The following RALGAPA1 variants were observed in gnomAD, a reference collection of about 807,000 sequenced individuals.
RALGAPA1 encodes the protein Ral GTPase activating protein catalytic subunit alpha 1.
Under a neutral mutation model 269.6 loss-of-function variants are expected in RALGAPA1, and 52 were observed. The ratio of observed to expected loss-of-function variants is 0.19; its 90% confidence interval spans 0.15 to 0.24. The LOEUF (loss-of-function observed/expected upper bound fraction) is 0.24. Ranked by LOEUF, RALGAPA1 falls within the 10% of genes least tolerant of loss-of-function variation. RALGAPA1 has a pLI of 1.00. For synonymous variants in RALGAPA1, 817 were observed against 1,008.3 expected, an observed-to-expected ratio of 0.81 and a Z score of 3.60; for missense variants, 1,917 against 3,013.9, an observed-to-expected ratio of 0.64 and a Z score of 8.52.
At chr14:35,598,518 C>A (rs1566785046) in intron 36 of RALGAPA1, among the ~76,000 whole-genome samples, 2 of 152,084 alleles carry the variant, frequency 1.3e-5, no homozygotes, top group African/African-American at 4.8e-5. Flanking sequence ...CTCCTGGGTT[C>A]AAGCAATTCT....
chr14:35,776,646 T>C (rs2075051972), intron 1 of RALGAPA1, among the ~76,000 whole-genome samples: 2 of 151,728 alleles, frequency 1.3e-5, no homozygotes, highest in African/African-American at 2.4e-5. Flanking sequence ...CAAAGCTCAA[T>C]AAAGCACAAA....
intron 39 of RALGAPA1, among the ~76,000 whole-genome samples, chr14:35,564,153 G>A (rs1044989212): frequency 6.6e-6 from 1 of 152,130 alleles, no homozygotes; most frequent in Non-Finnish European, 1.5e-5. Flanking sequence ...AGGTTACCTA[G>A]TGCTTCATGT....
chr14:35,654,443 T>C lies in RALGAPA1; in HGVS notation c.5531A>G (p.Asn1844Ser). The change falls in exon 30 of 42, where the codon AAC becomes AGC. Residue 1844 changes from asparagine to serine, a missense_variant. Physicochemically the swap from Asn to Ser is conservative, Grantham distance 46. Coordinates refer to ENST00000680220, the MANE Select transcript of RALGAPA1 (RefSeq NM_001346249.2). ...ATAATGAACCAGCATGTGAAGCATG[T>C]TACAAGCTACGTGGGCTACTGTTTT... ...TNKTVAHVACNMLHMLVHYVP... is the reference protein window; with the variant it reads ...TNKTVAHVACSMLHMLVHYVP... 1 of 1,606,888 alleles carries C rather than the reference T, an allele frequency of 6.2e-7. No homozygotes were observed. The highest frequency in any genetic ancestry group is 8.5e-7 in the Non-Finnish European group (1 of 1,178,454).
chr14:35,623,116 A>T (rs1418768483), intron 35 of RALGAPA1, among the ~76,000 whole-genome samples: 2 of 152,020 alleles, frequency 1.3e-5, no homozygotes, highest in Admixed American at 1.3e-4. Flanking sequence ...GAGAGAAATA[A>T]GGAAATGTAC....
chr14:35,798,027 C>T (rs2076704334), intron 1 of RALGAPA1, among the ~76,000 whole-genome samples: 1 of 150,116 alleles, frequency 6.7e-6, no homozygotes, highest in African/African-American at 2.5e-5. Flanking sequence ...CGGCTGCCAC[C>T]ACATCTGCAT....
At chr14:35,649,130 T>A (rs1415753698) in intron 31 of RALGAPA1, among the ~76,000 whole-genome samples, 2 of 152,208 alleles carry the variant, frequency 1.3e-5, no homozygotes, top group African/African-American at 4.8e-5. Context: ...TTGCTGGTGG[T>A]CTCCACCTGG....
In RALGAPA1 at chr14:35,748,643, C is replaced by A. The variant is rs761872111; in HGVS notation, c.1193G>T (p.Arg398Leu). 1.5e-5 allele frequency: 24 copies of A among 1,610,880 alleles called. No individual in the cohort carries two copies. Among genetic ancestry groups the A allele is most frequent in the Middle Eastern group, 1.6e-4 (1 of 6,068 alleles). ...EEHLTDIEIV[R>L]RVFSSKRSNV... ...ACTCCTTTTAGAAGAAAAAACTCTG[C>A]GAACTATTTCAATGTCTGTGAGATG... Residue 398 changes from arginine (R) to leucine (L), a missense_variant, in exon 10 of 42, where the codon CGC becomes CTC. Physicochemically the swap from Arg to Leu is moderately radical, Grantham distance 102. Coordinates refer to ENST00000680220, the MANE Select transcript of RALGAPA1 (RefSeq NM_001346249.2).
At chr14:35,723,906 G>A (rs577410012) in intron 14 of RALGAPA1, 3 of 152,098 alleles carry the variant, frequency 2.0e-5, no homozygotes, top group Non-Finnish European at 4.4e-5. Context: ...TATGTCCTCT[G>A]ATTGAAGAAA....
At position 35,655,728 on chromosome 14, in the gene RALGAPA1, C is replaced by T. The variant is rs1041678731; in HGVS notation, c.5496+79G>A. The T allele has an allele frequency of 5.8e-5, 89 of 1,522,022 alleles. No individual in the cohort carries two copies. In the Middle Eastern group the frequency reaches 1.2e-3, roughly 21 times the overall value. The allele number at this position is 1,522,022 out of a possible 1,614,324, so 94.3% of individuals were successfully genotyped here. On this transcript the variant is annotated intron_variant, in intron 29 of 41. Coordinates refer to ENST00000680220, the MANE Select transcript of RALGAPA1 (RefSeq NM_001346249.2). Reference sequence around the variant, plus strand: ...ATGAAAACATTTACTAAATGTTACACAAGATACCATTAATATTTGGAGAAA... The same window carrying T: ...ATGAAAACATTTACTAAATGTTACATAAGATACCATTAATATTTGGAGAAA...
At position 35,688,597 on chromosome 14, in the gene RALGAPA1, C is replaced by T. The variant is rs1190377777; in HGVS notation, c.3814G>A (p.Val1272Ile). The T allele has an allele frequency of 4.8e-5, 73 of 1,535,604 alleles. No individual in the cohort carries two copies. The highest frequency in any genetic ancestry group is 2.7e-4 in the South Asian group (23 of 84,040). ...AGLQQGSLGG[V>I]YKTVVHALSK... ...AGAGCATGTACAACAGTTTTATAAA[C>T]GCCACCCAGGGAGCCCTGCTGTAGT... is the stretch of plus-strand genomic sequence containing the variant. Residue 1272 changes from valine (V) to isoleucine (I), a missense_variant, in exon 18 of 42, where the codon GTT becomes ATT. Around this residue, in one of 11 missense-constraint regions of RALGAPA1, gnomAD observed 615 missense variants for 790.0 expected, o/e 0.78. Coordinates refer to ENST00000680220, the MANE Select transcript of RALGAPA1 (RefSeq NM_001346249.2).
chr14:35,635,892 C>T (rs1377749683), intron 31 of RALGAPA1, among the ~76,000 whole-genome samples: 3 of 152,106 alleles, frequency 2.0e-5, no homozygotes, highest in Non-Finnish European at 4.4e-5. Context: ...TATCAATTAA[C>T]TATACTTATT....
intron 5 of RALGAPA1, among the ~76,000 whole-genome samples, chr14:35,761,293 C>G (rs1188187415): frequency 6.6e-6 from 1 of 151,978 alleles, no homozygotes; most frequent in East Asian, 1.9e-4. Flanking sequence ...AAAATCTTTT[C>G]CTTCTTGTCT....
chr14:35,573,448 G>C (rs1210380957), intron 37 of RALGAPA1, among the ~76,000 whole-genome samples: 1 of 152,090 alleles, frequency 6.6e-6, no homozygotes, highest in African/African-American at 2.4e-5. Flanking sequence ...TTGACTTTTA[G>C]TGCAGATCTT....
At chr14:35,752,264 G>T in intron 7 of RALGAPA1, 102 bp from the exon 8 acceptor site, 1 of 1,259,170 alleles carries the variant, frequency 7.9e-7, no homozygotes, top group Non-Finnish European at 1.1e-6. Context: ...GCAATACACT[G>T]AACTGTTAAC....
intron 29 of RALGAPA1, 58 bp downstream of exon 29, chr14:35,655,749 A>G: frequency 6.4e-7 from 1 of 1,565,494 alleles, no homozygotes; most frequent in Non-Finnish European, 8.6e-7. Flanking sequence ...TAATATTTGG[A>G]GAAAAAAATA....
In RALGAPA1 at chr14:35,655,933, A is replaced by C; in HGVS notation, c.5388-18T>G. ...CTACACATCTGCAAAAAAGGCAAACAACAACGGTTACATAAAATGAAACCA... is the reference window on the plus strand; with the variant it reads ...CTACACATCTGCAAAAAAGGCAAACCACAACGGTTACATAAAATGAAACCA... On this transcript the variant is annotated intron_variant, in intron 28 of 41. Coordinates refer to ENST00000680220, the MANE Select transcript of RALGAPA1 (RefSeq NM_001346249.2). The C allele has an allele frequency of 6.2e-7, 1 of 1,612,834 alleles. No homozygotes were observed. Among genetic ancestry groups the C allele is most frequent in the Non-Finnish European group, 8.5e-7 (1 of 1,179,472 alleles).
chr14:35,695,935 T>C (rs1033302755), intron 17 of RALGAPA1, among the ~76,000 whole-genome samples: 21 of 152,324 alleles, frequency 1.4e-4, no homozygotes, highest in Middle Eastern at 3.4e-3. Flanking sequence ...AGGAGTGTAC[T>C]TGCCCAGACA....
chr14:35,710,329 T>G (rs1279351932), intron 16 of RALGAPA1, among the ~76,000 whole-genome samples: 4 of 152,210 alleles, frequency 2.6e-5, no homozygotes, highest in African/African-American at 9.6e-5. Context: ...TGGCACGATC[T>G]CAGCTCACTG....
At chr14:35,784,287 C>T (rs945146998) in intron 1 of RALGAPA1, among the ~76,000 whole-genome samples, 2 of 151,604 alleles carry the variant, frequency 1.3e-5, no homozygotes, top group African/African-American at 4.9e-5. Flanking sequence ...ATTATCTAGC[C>T]GTAAAAAGCA....
Sources: gnomAD v4.1 joint callset for allele counts (sites outside exome capture counted in the v4.1 genomes callset) on GRCh38, gnomAD v4.1.1 for gene constraint, gnomAD v4.1.1 regional missense constraint, MANE v1.5 for transcripts, NCBI Gene and HGNC (gene_info 2026-07-23, HGNC 2026-07-21) for gene names.